Variants in ULK4 observed in about 807,000 individuals in gnomAD.
ULK4 encodes inactive serine/threonine-protein kinase ULK4.
In ULK4, 133 loss-of-function variants were observed where a neutral mutation model predicts 160.6. That is an observed-to-expected ratio of 0.83 (90% CI 0.72 to 0.96). The LOEUF (loss-of-function observed/expected upper bound fraction) is 0.96, where lower values mean the gene tolerates loss of function less well. Among genes scored for constraint, ULK4 ranks in the 40% least tolerant of loss-of-function variants. The pLI is 0.00. For synonymous variants in ULK4, 534 were observed against 539.8 expected (o/e 0.99, Z 0.15); for missense variants, 1,580 against 1,499.5 (o/e 1.05, Z -0.89).
At chr3:41,659,142 T>G (rs151169520) in intron 30 of ULK4, among the ~76,000 whole-genome samples, 1 of 152,176 alleles carries the variant, frequency 6.6e-6, no homozygotes. Context: ...CCGAGGCCTC[T>G]TGAACAATGC....
intron 27 of ULK4, among the ~76,000 whole-genome samples, chr3:41,690,846 G>T (rs1359867096): frequency 6.6e-6 from 1 of 151,748 alleles, no homozygotes; most frequent in Non-Finnish European, 1.5e-5. Flanking sequence ...TATGCAAAAG[G>T]GGGGTACTTC....
At chr3:41,880,854 C>A (rs1004805115) in intron 17 of ULK4, among the ~76,000 whole-genome samples, 1 of 151,992 alleles carries the variant, frequency 6.6e-6, no homozygotes, top group African/African-American at 2.4e-5. Flanking sequence ...ACCCGGGAGG[C>A]AGAGGTTACA....
chr3:41,713,321 T>C (rs961201556), intron 25 of ULK4, among the ~76,000 whole-genome samples: 3 of 152,178 alleles, frequency 2.0e-5, no homozygotes, highest in African/African-American at 7.2e-5. Flanking sequence ...AGAAGCAACA[T>C]TCAACTCTCA....
intron 17 of ULK4, among the ~76,000 whole-genome samples, chr3:41,874,145 A>T (rs1697216337): frequency 6.6e-6 from 1 of 152,172 alleles, no homozygotes; most frequent in Admixed American, 6.5e-5. Context: ...AAATAAGGAC[A>T]ATGACAGGAC....
intron 29 of ULK4, among the ~76,000 whole-genome samples, chr3:41,678,081 G>GCT (rs767128554): frequency 1.8e-4 from 27 of 151,898 alleles, no homozygotes; most frequent in Non-Finnish European, 3.4e-4. Flanking sequence ...ACCATCACAG[G>GCT]CTCTCCTGGG....
intron 31 of ULK4, among the ~76,000 whole-genome samples, chr3:41,601,293 A>G (rs1341706296): frequency 2.0e-5 from 3 of 152,238 alleles, no homozygotes; most frequent in African/African-American, 7.2e-5. Flanking sequence ...TTCCAAAATA[A>G]GAAAAATCAC....
chr3:41,634,213 A>G (rs1199124851), intron 30 of ULK4, among the ~76,000 whole-genome samples: 2 of 152,154 alleles, frequency 1.3e-5, no homozygotes, highest in Non-Finnish European at 2.9e-5. Context: ...GAACTTGCTT[A>G]TACTGGCAGA....
chr3:41,249,900 A>C (rs1483276972), intron 35 of ULK4, among the ~76,000 whole-genome samples: 1 of 152,130 alleles, frequency 6.6e-6, no homozygotes, highest in Non-Finnish European at 1.5e-5. Context: ...TTTCCAATTA[A>C]AGCAAAACTA....
chr3:41,522,747 C>T lies in ULK4; in HGVS notation c.3226+43278G>A, dbSNP rs183238740. ...AGACCACAAAATTGGTCTGTTAAAT[C>T]CAAATTATGGTCTCAGTCTCTGCCA... On this transcript the variant is annotated intron_variant, in intron 32 of 36. Coordinates refer to ENST00000301831, the MANE Select transcript of ULK4 (RefSeq NM_017886.4). Among the ~76,000 whole-genome samples the T allele has an allele frequency of 2.2e-3, 331 of 152,196 alleles. 2 individuals carry two copies. Among genetic ancestry groups the T allele is most frequent in the Admixed American group, 3.9e-3 (59 of 15,296 alleles).
chr3:41,263,214 G>A (rs755955375), intron 35 of ULK4, among the ~76,000 whole-genome samples: 26 of 152,180 alleles, frequency 1.7e-4, no homozygotes, highest in Non-Finnish European at 2.2e-4. Flanking sequence ...TATCTATCAC[G>A]CAAACCTGAT....
intron 19 of ULK4, among the ~76,000 whole-genome samples, chr3:41,802,698 G>A (rs945216750): frequency 6.6e-6 from 1 of 152,226 alleles, no homozygotes; most frequent in East Asian, 1.9e-4. Context: ...GCTAGAAGGA[G>A]AATACTAGAT....
intron 19 of ULK4, among the ~76,000 whole-genome samples, chr3:41,817,800 T>C (rs1007700280): frequency 6.6e-5 from 10 of 152,052 alleles, no homozygotes; most frequent in Admixed American, 1.3e-4. Flanking sequence ...AACCAGAATA[T>C]ATAAGGACTT....
intron 17 of ULK4, among the ~76,000 whole-genome samples, chr3:41,844,225 G>C (rs576174939): frequency 6.6e-6 from 1 of 152,140 alleles, no homozygotes; most frequent in Non-Finnish European, 1.5e-5. Flanking sequence ...AGGGGGCGGC[G>C]CTCGCTGGGG....
At chr3:41,444,253 G>A (rs2083240351) in intron 34 of ULK4, among the ~76,000 whole-genome samples, 1 of 151,508 alleles carries the variant, frequency 6.6e-6, no homozygotes, top group Non-Finnish European at 1.5e-5. Flanking sequence ...TTATGTGTTT[G>A]GTGAAATTAA....
At chr3:41,559,626 G>C (rs1575413358) in intron 32 of ULK4, among the ~76,000 whole-genome samples, 1 of 152,150 alleles carries the variant, frequency 6.6e-6, no homozygotes, top group Non-Finnish European at 1.5e-5. Flanking sequence ...CTGATGGCCA[G>C]TGATGATGAG....
intron 34 of ULK4, among the ~76,000 whole-genome samples, chr3:41,419,922 G>A (rs1336110825): frequency 5.3e-5 from 8 of 151,884 alleles, no homozygotes; most frequent in Admixed American, 1.3e-4. Flanking sequence ...CTCACAGGGT[G>A]TTTTGGCACT....
At position 41,458,167 on chromosome 3, in the gene ULK4, G is replaced by A. The variant is rs564746616; in HGVS notation, c.3394-2572C>T. On this transcript the variant is annotated intron_variant, in intron 33 of 36. Coordinates refer to ENST00000301831, the MANE Select transcript of ULK4 (RefSeq NM_017886.4). ...AGAGGTCATATTGAGCAAGCTGCTA[G>A]GTATATGAATATGGATTTCAAAGAA... Among the ~76,000 whole-genome samples the A allele has an allele frequency of 2.0e-5, 3 of 152,178 alleles. No individual in the cohort carries two copies. In the East Asian group the frequency reaches 5.8e-4, roughly 29 times the overall value.
intron 18 of ULK4, among the ~76,000 whole-genome samples, chr3:41,820,627 G>A (rs573556577): frequency 6.6e-6 from 1 of 152,204 alleles, no homozygotes; most frequent in East Asian, 1.9e-4. Context: ...ACTACAACAA[G>A]TGGGGAGGGT....
intron 32 of ULK4, among the ~76,000 whole-genome samples, chr3:41,521,835 C>T (rs185209775): frequency 3.3e-5 from 5 of 152,248 alleles, no homozygotes; most frequent in Admixed American, 3.3e-4. Flanking sequence ...AAGATCTCAC[C>T]AAATAAGTTG....
Sources: allele counts gnomAD v4.1 joint callset (sites outside exome capture counted in the v4.1 genomes callset), GRCh38; gene constraint gnomAD v4.1.1; transcripts MANE v1.5; gene names NCBI Gene and HGNC (gene_info 2026-07-23, HGNC 2026-07-21).